CCDC77: variants seen among roughly 807,000 people sequenced by gnomAD.
CCDC77 encodes the protein coiled-coil domain containing 77.
A neutral mutation model predicts 66.8 loss-of-function variants in CCDC77; 56 were observed. That is an observed-to-expected ratio of 0.84 (90% CI 0.68 to 1.05). The LOEUF is 1.05. CCDC77 is among the 50% of genes least tolerant of loss of function. CCDC77 has a pLI of 0.00. For synonymous variants in CCDC77, 196 were observed against 195.2 expected, an observed-to-expected ratio of 1.00 and a Z score of -0.03; for missense variants, 570 against 576.8, an observed-to-expected ratio of 0.99 and a Z score of 0.12.
chr12:433,527 T>G, intron 9 of CCDC77: 27 of 1,270,674 alleles, frequency 2.1e-5, no homozygotes, highest in Non-Finnish European at 2.7e-5. Flanking sequence ...GTATTTCACG[T>G]GCTCCTTTTA....
chr12:430,070 C>T (rs1026166219), intron 6 of CCDC77, among the ~76,000 whole-genome samples: 1 of 152,034 alleles, frequency 6.6e-6, no homozygotes, highest in Admixed American at 6.6e-5. Flanking sequence ...CTCGGCTCAC[C>T]ACAACCTCCG....
At chr12:425,537 A>G (rs753940463) in intron 5 of CCDC77, among the ~76,000 whole-genome samples, 2 of 151,984 alleles carry the variant, frequency 1.3e-5, no homozygotes, top group Non-Finnish European at 2.9e-5. Flanking sequence ...AGGTCAGAGC[A>G]GTATTCCAAA....
Position 428,863 on chromosome 12 carries a change from A to G in CCDC77, c.508A>G (p.Lys170Glu). 3 of 1,597,248 alleles carry G rather than the reference A, an allele frequency of 1.9e-6. No homozygotes were observed. The highest frequency in any genetic ancestry group is 2.6e-6 in the Non-Finnish European group (3 of 1,165,708). Reference sequence around the variant, plus strand: ...CTATTTTTGTAAGGAGCCTCCTCACAAAGTAAGTAATCTTTGGTGTAGCAT... The same window carrying G: ...CTATTTTTGTAAGGAGCCTCCTCACGAAGTAAGTAATCTTTGGTGTAGCAT... ...VTYFCKEPPHKVTILQKTIQA... is the reference protein window; with the variant it reads ...VTYFCKEPPHEVTILQKTIQA... Residue 170 changes from lysine (K) to glutamate (E), a missense_variant and splice_region_variant, in exon 6 of 13, where the codon AAA becomes GAA. Lys to Glu is a moderately conservative substitution (Grantham distance 56, BLOSUM62 1). Coordinates refer to ENST00000239830, the MANE Select transcript of CCDC77 (RefSeq NM_032358.4).
chr12:433,107 C>G, intron 8 of CCDC77, 67 bp from the exon 9 acceptor site: 1 of 1,492,510 alleles, frequency 6.7e-7, no homozygotes, highest in Non-Finnish European at 9.1e-7. Context: ...GAAAGGCTCA[C>G]TTTTCCTAGA....
chr12:432,519 T>A (rs1367656624), intron 8 of CCDC77, among the ~76,000 whole-genome samples: 2 of 152,198 alleles, frequency 1.3e-5, no homozygotes, highest in African/African-American at 4.8e-5. Flanking sequence ...GAAATTACAT[T>A]ATATTCATTT....
At chr12:392,886 A>G (rs982286973) in intron 1 of CCDC77, among the ~76,000 whole-genome samples, 2 of 152,026 alleles carry the variant, frequency 1.3e-5, no homozygotes, top group Admixed American at 1.3e-4. Flanking sequence ...ATTTAAATAC[A>G]TTTTAAAAAT....
intron 3 of CCDC77, among the ~76,000 whole-genome samples, chr12:411,171 T>C (rs927896167): frequency 2.0e-5 from 2 of 102,064 alleles, no homozygotes; most frequent in Non-Finnish European, 4.1e-5. Flanking sequence ...AATATCAAAC[T>C]TTCAATTTGT....
chr12:436,674 C>T, intron 9 of CCDC77: 1 of 558,050 alleles, frequency 1.8e-6, no homozygotes, highest in Non-Finnish European at 2.3e-6. Flanking sequence ...TTAATATTGT[C>T]ATAGTAATTT....
chr12:440,951 A>G lies in CCDC77; in HGVS notation c.1275A>G (p.Lys425=). 1.2e-6 allele frequency: 2 copies of G among 1,613,364 alleles called. No individual in the cohort carries two copies. The highest frequency in any genetic ancestry group is 1.7e-6 in the Non-Finnish European group (2 of 1,180,036). ...LEVEGFKTDI[K]VLRQKLKDLE... ...TAGAAGGCTTTAAGACAGATATTAA[A>G]GTTCTCCGACAGAAACTGAAAGACT... Residue 425 remains lysine (K), a synonymous_variant, in exon 12 of 13, where the codon AAA becomes AAG. Coordinates refer to ENST00000239830, the MANE Select transcript of CCDC77 (RefSeq NM_032358.4).
intron 2 of CCDC77, among the ~76,000 whole-genome samples, chr12:408,939 C>T (rs1311173941): frequency 6.6e-6 from 1 of 152,142 alleles, no homozygotes; most frequent in African/African-American, 2.4e-5. Context: ...GGCGTGGTGG[C>T]TCACGCCTGT....
intron 5 of CCDC77, among the ~76,000 whole-genome samples, chr12:419,248 T>C (rs554299832): frequency 6.6e-6 from 1 of 152,284 alleles, no homozygotes; most frequent in South Asian, 2.1e-4. Context: ...GGACTGAGAA[T>C]TTTGTGTCCC....
At chr12:397,675 C>T (rs1410918273), upstream of CCDC77, among the ~76,000 whole-genome samples, 1 of 151,232 alleles carries the variant, frequency 6.6e-6, no homozygotes, top group Non-Finnish European at 1.5e-5. Context: ...GAGACAGAGT[C>T]TTGCTCTGTC....
intron 7 of CCDC77, among the ~76,000 whole-genome samples, chr12:431,129 T>C (rs576623872): frequency 6.7e-6 from 1 of 150,034 alleles, no homozygotes; most frequent in Non-Finnish European, 1.5e-5. Context: ...ACAGTGATAA[T>C]TGATGTTCAT....
At chr12:441,468 T>C (rs976070445) in intron 12 of CCDC77, among the ~76,000 whole-genome samples, 1 of 152,186 alleles carries the variant, frequency 6.6e-6, no homozygotes, top group Non-Finnish European at 1.5e-5. Context: ...CCAGTAGTGT[T>C]GCGCTTTCAT....
At chr12:397,169 C>T (rs920510606), upstream of CCDC77, among the ~76,000 whole-genome samples, 4 of 152,104 alleles carry the variant, frequency 2.6e-5, no homozygotes, top group African/African-American at 9.7e-5. Flanking sequence ...GTCAGGAGTT[C>T]AAGACCAGCC....
At chr12:402,723 A>G (rs1191869123) in intron 1 of CCDC77, among the ~76,000 whole-genome samples, 1 of 152,248 alleles carries the variant, frequency 6.6e-6, no homozygotes. Context: ...AGGAGTAGGT[A>G]GAACCGTTAA....
intron 1 of CCDC77, among the ~76,000 whole-genome samples, chr12:392,767 A>G (rs1014981880): frequency 1.3e-5 from 2 of 151,480 alleles, no homozygotes; most frequent in Non-Finnish European, 2.9e-5. Context: ...ATTATTGAGA[A>G]CCCCCAAAGT....
At chr12:428,986 C>A in intron 6 of CCDC77, 121 bp downstream of exon 6, 1 of 571,608 alleles carries the variant, frequency 1.7e-6, no homozygotes, top group Non-Finnish European at 3.1e-6. Flanking sequence ...CATCACAGTG[C>A]CTTGTTTGCC....
In CCDC77 at chr12:423,470, GT is replaced by G. The variant is rs1307027692; in HGVS notation, c.413+4840del. Reference sequence around the variant, plus strand: ...TTGTTATTTTCTGGGTGTTTTTTGTGTTTTTTGTGTTTTTTTTTGTTTTGTT... The same window carrying G: ...TTGTTATTTTCTGGGTGTTTTTTGTGTTTTTGTGTTTTTTTTTGTTTTGTT... On this transcript the variant is annotated intron_variant, in intron 5 of 12. Coordinates refer to ENST00000239830, the MANE Select transcript of CCDC77 (RefSeq NM_032358.4). Among the ~76,000 whole-genome samples the G allele has an allele frequency of 1.2e-3, 52 of 44,868 alleles. 1 individual carries two copies. Among genetic ancestry groups the G allele is most frequent in the African/African-American group, 3.6e-3 (48 of 13,508 alleles). The allele number at this position is 44,868 out of a possible 152,430, so 29.4% of individuals were successfully genotyped here. A position where few individuals can be genotyped will look rare whatever the true frequency, so the allele number is the denominator to read the frequency against.
Sources: gnomAD v4.1 joint callset for allele counts (sites outside exome capture counted in the v4.1 genomes callset) on GRCh38, gnomAD v4.1.1 for gene constraint, MANE v1.5 for transcripts, NCBI Gene and HGNC (gene_info 2026-07-23, HGNC 2026-07-21) for gene names.